The following SH2B3 variants were observed in gnomAD, a reference collection of about 807,000 sequenced individuals.
The protein encoded by SH2B3 is SH2B adaptor protein 3, also known as SH2B adapter protein 3.
A neutral mutation model predicts 51.9 loss-of-function variants in SH2B3; 43 were observed. The observed-to-expected ratio is 0.83, with a 90% CI of 0.65 to 1.07. The LOEUF (loss-of-function observed/expected upper bound fraction) is 1.07. Ranked by LOEUF, SH2B3 falls within the 50% of genes least tolerant of loss-of-function variation. The pLI is 0.00. For missense variants in SH2B3, 952 were observed against 834.3 expected (o/e 1.14, Z -1.74); for synonymous variants, 396 against 376.0 (o/e 1.05, Z -0.62).
intron 2 of SH2B3, among the ~76,000 whole-genome samples, chr12:111,426,963 A>G (rs920165745): frequency 2.0e-5 from 3 of 152,188 alleles, no homozygotes; most frequent in African/African-American, 7.2e-5. Flanking sequence ...ACCCAGCTCC[A>G]GGCTGGGCTG....
chr12:111,444,460 G>C (rs1873733191), intron 2 of SH2B3, among the ~76,000 whole-genome samples: 1 of 152,254 alleles, frequency 6.6e-6, no homozygotes, highest in South Asian at 2.1e-4. Context: ...AGACGCTGCA[G>C]GATGTGGTGG....
At position 111,429,928 on chromosome 12, in the gene SH2B3, C is replaced by A. The variant is rs542794460; in HGVS notation, c.732+11051C>A. 6.6e-6 allele frequency among the ~76,000 whole-genome samples: 1 copy of A among 152,312 alleles called. No individual in the cohort carries two copies. The highest frequency in any genetic ancestry group is 1.9e-4 in the East Asian group (1 of 5,172). On this transcript the variant is annotated intron_variant, in intron 2 of 7. Transcript: ENST00000341259. The surrounding 1 kb of genome is among the most constrained non-coding windows in gnomAD (Gnocchi z 4.4). ...ACCCACCCTCCACCGTCAGAACGAG[C>A]CTGTATCCCGGCAAGCAGGGCAGAC...
chr12:111,429,089 C>T lies in SH2B3; in HGVS notation c.732+10212C>T, dbSNP rs914035920. Among the ~76,000 whole-genome samples the T allele has an allele frequency of 6.6e-6, 1 of 151,766 alleles. No individual in the cohort carries two copies. The highest frequency in any genetic ancestry group is 1.5e-5 in the Non-Finnish European group (1 of 67,826). ...GAGGAGGGACGGCAGGAAGCCGCCT[C>T]GGGCTCTGACAGGCGCGGCCCTGGC... On this transcript the variant is annotated intron_variant, in intron 2 of 7. Transcript: ENST00000341259. This position sits in a 1 kb window ranked among gnomAD's most constrained non-coding sequence, Gnocchi z 4.4.
rs891473879 is a variant in SH2B3, at chr12:111,448,450, C to CTATT, written c.*149_*152dup. On this transcript the variant is annotated 3_prime_UTR_variant, in exon 8 of 8. Transcript: ENST00000341259. ...TCGTGCCAGTTTGGAAGTGACCCTT[C>CTATT]TATTAGGCCTGTTGAAGGGCCCTCC... The CTATT allele has an allele frequency of 1.5e-6, 1 of 650,056 alleles. No homozygotes were observed. Among genetic ancestry groups the CTATT allele is most frequent in the Non-Finnish European group, 2.6e-6 (1 of 380,334 alleles). The allele number at this position is 650,056 out of a possible 1,614,324, so 40.3% of individuals were successfully genotyped here.
At chr12:111,433,079 C>A (rs192666038) in intron 2 of SH2B3, among the ~76,000 whole-genome samples, 2 of 152,244 alleles carry the variant, frequency 1.3e-5, no homozygotes, top group African/African-American at 4.8e-5. Context: ...GGGCTGGGCA[C>A]GGTGGCTAAC....
chr12:111,414,635 C>G (rs1020073419), intron 1 of SH2B3, among the ~76,000 whole-genome samples: 7 of 151,468 alleles, frequency 4.6e-5, no homozygotes, highest in African/African-American at 1.7e-4. Context: ...CCCCTTCCAT[C>G]GAGGGCAGAG....
At position 111,409,316 on chromosome 12, in the gene SH2B3, A is replaced by G. The variant is rs1193572805; in HGVS notation, c.-28+3039A>G. On this transcript the variant is annotated intron_variant, in intron 1 of 7. Transcript: ENST00000341259. The surrounding 1 kb of genome is among the most constrained non-coding windows in gnomAD (Gnocchi z 4.0). The stretch of plus-strand genomic sequence containing the variant: ...GGTTTTGAGAAAAGGAGGCATGCAC[A>G]GTGCCCGGCATGCAATTGGCACTCA... Among the ~76,000 whole-genome samples the G allele has an allele frequency of 1.3e-5, 2 of 152,348 alleles. No individual in the cohort carries two copies. The highest frequency in any genetic ancestry group is 3.9e-4 in the East Asian group (2 of 5,186).
intron 2 of SH2B3, among the ~76,000 whole-genome samples, chr12:111,423,951 GAA>G (rs1227179150): frequency 6.6e-6 from 1 of 152,058 alleles, no homozygotes; most frequent in Non-Finnish European, 1.5e-5. Flanking sequence ...CGTCTCTACT[GAA>G]AATACAAAAT....
rs538881983 is a variant in SH2B3 at position 111,406,210 on chromosome 12, C to T, written c.-95C>T. ...CAGGGCGGGGGCCCGCCCGCCCCCT[C>T]GGGATTTCGAGGGCCCGGGGGCGCG... On this transcript the variant is annotated 5_prime_UTR_variant, in exon 1 of 8. Transcript: ENST00000341259. The surrounding 1 kb of genome is among the most constrained non-coding windows in gnomAD (Gnocchi z 5.7). 6.6e-6 allele frequency: 1 copy of T among 152,018 alleles called. No individual in the cohort carries two copies. Among genetic ancestry groups the T allele is most frequent in the Admixed American group, 6.5e-5 (1 of 15,296 alleles). The allele number at this position is 152,018 out of a possible 1,614,324, so 9.4% of individuals were successfully genotyped here. A position where few individuals can be genotyped will look rare whatever the true frequency, so the allele number is the denominator to read the frequency against.
chr12:111,450,662 C>G lies in SH2B3; in HGVS notation c.*2360C>G, dbSNP rs549051968. ...ACTAACAGGCTGCAAAGTGCAAGTT[C>G]AGATTCTGTGGCAGAGATTTGGAAG... On this transcript the variant is annotated 3_prime_UTR_variant, in exon 8 of 8. Transcript: ENST00000341259. 2 of 152,788 alleles carry G rather than the reference C, an allele frequency of 1.3e-5. No individual in the cohort carries two copies. Among genetic ancestry groups the G allele is most frequent in the South Asian group, 4.1e-4 (2 of 4,830 alleles). 9.5% of individuals were successfully genotyped at this position (152,788 alleles called of 1,614,324 possible). A position where few individuals can be genotyped will look rare whatever the true frequency, so the allele number is the denominator to read the frequency against.
Position 111,418,557 on chromosome 12 carries a change from T to TTTCGCCGCAGCC in SH2B3, c.414_425dup (p.Arg140_Arg143dup). 2.0e-6 allele frequency: 3 copies of TTTCGCCGCAGCC among 1,470,338 alleles called. No individual in the cohort carries two copies. The highest frequency in any genetic ancestry group is 2.7e-6 in the Non-Finnish European group (3 of 1,116,156). The allele number at this position is 1,470,338 out of a possible 1,614,324, so 91.1% of individuals were successfully genotyped here. A position where few individuals can be genotyped will look rare whatever the true frequency, so the allele number is the denominator to read the frequency against. Reference sequence around the variant, plus strand: ...GCCCGGGCCCTGCTCCTTCCAGCACTTTCGCCGCAGCCTCCGCCACATCTT... The same window carrying TTTCGCCGCAGCC: ...GCCCGGGCCCTGCTCCTTCCAGCACTTTCGCCGCAGCCTTCGCCGCAGCCTCCGCCACATCTT... On this transcript the variant is annotated inframe_insertion, in exon 2 of 8. Coordinates refer to ENST00000341259, the MANE Select transcript of SH2B3 (RefSeq NM_005475.3). The surrounding 1 kb of genome is among the most constrained non-coding windows in gnomAD (Gnocchi z 6.7).
rs988723218 is a variant in SH2B3, at chr12:111,429,074, G to C, written c.732+10197G>C. On this transcript the variant is annotated intron_variant, in intron 2 of 7. Transcript: ENST00000341259. The surrounding 1 kb of genome is among the most constrained non-coding windows in gnomAD (Gnocchi z 4.4). ...GAGGAGGAGGAGGAGGAGGAGGGACGGCAGGAAGCCGCCTCGGGCTCTGAC... is the reference window on the plus strand; with the variant it reads ...GAGGAGGAGGAGGAGGAGGAGGGACCGCAGGAAGCCGCCTCGGGCTCTGAC... 6.6e-6 allele frequency among the ~76,000 whole-genome samples: 1 copy of C among 150,998 alleles called. No homozygotes were observed. Among genetic ancestry groups the C allele is most frequent in the African/African-American group, 2.4e-5 (1 of 41,254 alleles).
intron 2 of SH2B3, among the ~76,000 whole-genome samples, chr12:111,440,697 G>A (rs1873325403): frequency 6.6e-6 from 1 of 152,202 alleles, no homozygotes; most frequent in Non-Finnish European, 1.5e-5. Context: ...CCCCACTTCG[G>A]AGAATATTCA....
intron 2 of SH2B3, among the ~76,000 whole-genome samples, chr12:111,422,736 A>G (rs987795537): frequency 3.3e-5 from 5 of 150,136 alleles, no homozygotes; most frequent in East Asian, 3.9e-4. Context: ...AATTTTTTGT[A>G]TTTTTAGTAG....
rs1280153002 is a variant in SH2B3, at chr12:111,418,499, C to G, written c.354C>G (p.Ala118=). The change falls in exon 2 of 8, where the codon GCC becomes GCG. Residue 118 remains alanine (A), a synonymous_variant. Coordinates refer to ENST00000341259, the MANE Select transcript of SH2B3 (RefSeq NM_005475.3). The surrounding 1 kb of genome is among the most constrained non-coding windows in gnomAD (Gnocchi z 6.7). ...CCGCCGCCCCTGGCCTGCCCAAGGCCCGCAGCTCTGAGGAGCTGGCCCCGC... is the reference window on the plus strand; with the variant it reads ...CCGCCGCCCCTGGCCTGCCCAAGGCGCGCAGCTCTGAGGAGCTGGCCCCGC... ...PGPAAPGLPK[A]RSSEELAPPR... 4 of 1,378,900 alleles carry G rather than the reference C, an allele frequency of 2.9e-6. No individual in the cohort carries two copies. The highest frequency in any genetic ancestry group is 2.8e-6 in the Non-Finnish European group (3 of 1,069,902). 85.4% of individuals were successfully genotyped at this position (1,378,900 alleles called of 1,614,324 possible). A position where few individuals can be genotyped will look rare whatever the true frequency, so the allele number is the denominator to read the frequency against.
rs1326212361 is a variant in SH2B3, at chr12:111,448,167, GC to G, written c.1596del (p.Glu533LysfsTer15). ...PEQIFHLVPS[P>X]EELANSLQHL... ...AGCAGATCTTCCACCTGGTGCCTTC[GC>G]CCGAAGAACTGGCCAACAGCCTGCA... is the stretch of plus-strand genomic sequence containing the variant. On this transcript the variant is annotated frameshift_variant, in exon 8 of 8. Coordinates refer to ENST00000341259, the MANE Select transcript of SH2B3 (RefSeq NM_005475.3). LOFTEE classifies it high-confidence loss of function. 1.2e-6 allele frequency: 2 copies of G among 1,613,946 alleles called. No homozygotes were observed. The highest frequency in any genetic ancestry group is 1.7e-5 in the Admixed American group (1 of 60,000).
chr12:111,445,738 C>T (rs1873892206), intron 2 of SH2B3, among the ~76,000 whole-genome samples: 1 of 152,244 alleles, frequency 6.6e-6, no homozygotes, highest in Non-Finnish European at 1.5e-5. Flanking sequence ...ATTGACTCTC[C>T]TGCAGGTGGG....
At position 111,429,966 on chromosome 12, in the gene SH2B3, T is replaced by TTGGCAGGCAGGCAGAGCTCAGGTCC. The variant is rs1220997469; in HGVS notation, c.732+11094_732+11118dup. ...AAGCAGGGCAGACTGAGCCCTGGTCTTGGCAGGCAGGCAGAGCTCAGGTCC... is the reference window on the plus strand; with the variant it reads ...AAGCAGGGCAGACTGAGCCCTGGTCTTGGCAGGCAGGCAGAGCTCAGGTCCTGGCAGGCAGGCAGAGCTCAGGTCC... On this transcript the variant is annotated intron_variant, in intron 2 of 7. Coordinates refer to ENST00000341259, the MANE Select transcript of SH2B3 (RefSeq NM_005475.3). This position sits in a 1 kb window ranked among gnomAD's most constrained non-coding sequence, Gnocchi z 4.4. 6.6e-6 allele frequency among the ~76,000 whole-genome samples: 1 copy of TTGGCAGGCAGGCAGAGCTCAGGTCC among 152,200 alleles called. No homozygotes were observed. Among genetic ancestry groups the TTGGCAGGCAGGCAGAGCTCAGGTCC allele is most frequent in the African/African-American group, 2.4e-5 (1 of 41,456 alleles).
chr12:111,445,248 G>T (rs538879586), intron 2 of SH2B3, among the ~76,000 whole-genome samples: 1 of 152,200 alleles, frequency 6.6e-6, no homozygotes, highest in Non-Finnish European at 1.5e-5. Context: ...CCTGCAGCTA[G>T]GGGGAAGGGT....
Sources: gnomAD v4.1 joint callset for allele counts (sites outside exome capture counted in the v4.1 genomes callset) on GRCh38, gnomAD v4.1.1 for gene constraint, Gnocchi (gnomAD v3.1) non-coding constraint, MANE v1.5 for transcripts, NCBI Gene and HGNC (gene_info 2026-07-23, HGNC 2026-07-21) for gene names.